Variants in NANOS3 observed in about 807,000 individuals in gnomAD.
NANOS3 encodes the protein nanos C2HC-type zinc finger 3, also known as nanos homolog 3.
NANOS3 carries 11 observed loss-of-function variants against 13.8 expected under a neutral mutation model. The observed-to-expected ratio is 0.80, with a 90% CI of 0.50 to 1.32. The LOEUF is 1.32. Ranked by LOEUF, NANOS3 falls within the 40% of genes most tolerant of loss-of-function variation. The pLI is 0.00. For missense variants in NANOS3, 221 were observed against 263.8 expected, an observed-to-expected ratio of 0.84 and a Z score of 1.12; for synonymous variants, 119 against 115.4, an observed-to-expected ratio of 1.03 and a Z score of -0.20.
upstream of NANOS3, chr19:13,862,195 G>C (rs1044353253): frequency 2.0e-5 from 3 of 152,408 alleles, no homozygotes; most frequent in African/African-American, 7.2e-5. Context: ...GAAACACCGA[G>C]TGAGTTGGAC....
chr19:13,879,033 G>A (rs989723954), intron 1 of NANOS3, among the ~76,000 whole-genome samples: 4 of 151,674 alleles, frequency 2.6e-5, no homozygotes, highest in Non-Finnish European at 4.4e-5. Context: ...CCTGTCTCCC[G>A]GGTTCAAGCG....
Position 13,879,199 on chromosome 19 carries a change from G to A in NANOS3, c.518-1243G>A, listed in dbSNP as rs756964015. Among the ~76,000 whole-genome samples, 13 of 149,550 alleles carry A rather than the reference G, an allele frequency of 8.7e-5. 1 individual carries two copies. Among genetic ancestry groups the A allele is most frequent in the Middle Eastern group, 7.7e-3 (2 of 260 alleles). The stretch of plus-strand genomic sequence containing the variant: ...CGAGATCCACCCGCCTTAGCCTCCC[G>A]AAGTGCTGATATTACAGGCTTGAGC... On this transcript the variant is annotated intron_variant, in intron 1 of 1. Coordinates refer to ENST00000339133, the MANE Select transcript of NANOS3 (RefSeq NM_001098622.3).
upstream of NANOS3, among the ~76,000 whole-genome samples, chr19:13,875,797 C>T (rs145518582): frequency 1.3e-5 from 2 of 152,264 alleles, no homozygotes; most frequent in Non-Finnish European, 2.9e-5. Context: ...CAATCCTCCT[C>T]GGCCTCTCAA....
intron 1 of NANOS3, among the ~76,000 whole-genome samples, chr19:13,878,358 C>T (rs914258759): frequency 2.6e-5 from 4 of 151,320 alleles, no homozygotes; most frequent in Admixed American, 6.6e-5. Context: ...TCTGCCTCAG[C>T]CTCCTGAGAA....
intron 1 of NANOS3, among the ~76,000 whole-genome samples, chr19:13,870,799 C>G (rs1207405871): frequency 6.6e-6 from 1 of 151,304 alleles, no homozygotes; most frequent in African/African-American, 2.4e-5. Flanking sequence ...AGGCTGGTCT[C>G]GAACTCCTGA....
upstream of NANOS3, among the ~76,000 whole-genome samples, chr19:13,872,360 A>AAG (rs1294694168): frequency 7.4e-4 from 104 of 141,134 alleles, 1 homozygote; most frequent in Non-Finnish European, 1.0e-3. Context: ...AAAAAAAAAA[A>AAG]AGAGAGAGAG....
chr19:13,876,493 A>C (rs1410791219), upstream of NANOS3, among the ~76,000 whole-genome samples: 1 of 152,228 alleles, frequency 6.6e-6, no homozygotes, highest in Non-Finnish European at 1.5e-5. Context: ...CTGGATGGGC[A>C]GGTGGCTTCA....
upstream of NANOS3, among the ~76,000 whole-genome samples, chr19:13,875,188 CTTTTT>C (rs376046818): frequency 2.1e-5 from 3 of 141,868 alleles, no homozygotes; most frequent in Non-Finnish European, 4.7e-5. Flanking sequence ...CTAAAATCCC[CTTTTT>C]TTTTTTTTTT....
chr19:13,869,792 GCA>G (rs1239632922), intron 1 of NANOS3, among the ~76,000 whole-genome samples: 2 of 147,558 alleles, frequency 1.4e-5, no homozygotes, highest in Non-Finnish European at 3.0e-5. Flanking sequence ...ACACACACAC[GCA>G]CACACATACA....
upstream of NANOS3, chr19:13,875,046 G>T (rs974071047): frequency 2.3e-6 from 1 of 434,582 alleles, no homozygotes. Context: ...CAGTCACTCA[G>T]CCTGTTTTTT....
intron 1 of NANOS3, among the ~76,000 whole-genome samples, chr19:13,868,553 C>T (rs1046452399): frequency 4.6e-5 from 7 of 151,548 alleles, no homozygotes; most frequent in African/African-American, 1.5e-4. Flanking sequence ...TGGTGGTGTG[C>T]GCCTATAGTC....
At chr19:13,863,781 T>A (rs1175651053), upstream of NANOS3, among the ~76,000 whole-genome samples, 1 of 151,930 alleles carries the variant, frequency 6.6e-6, no homozygotes, top group African/African-American at 2.4e-5. Flanking sequence ...CCTGGAGACA[T>A]CCACTCTCCT....
At chr19:13,874,626 C>G, upstream of NANOS3, 1 of 487,244 alleles carries the variant, frequency 2.1e-6, no homozygotes, top group Admixed American at 2.1e-5. Context: ...AAAGGGGTTC[C>G]TTACTCTCTC....
At chr19:13,879,128 C>T (rs1328991045) in intron 1 of NANOS3, among the ~76,000 whole-genome samples, 1 of 151,792 alleles carries the variant, frequency 6.6e-6, no homozygotes, top group African/African-American at 2.4e-5. Flanking sequence ...TTAGTACAGA[C>T]GGGATTTCAC....
intron 1 of NANOS3, 105 bp downstream of exon 1, chr19:13,877,870 C>G: frequency 6.9e-7 from 1 of 1,440,650 alleles, no homozygotes. Flanking sequence ...TAGGGGAAGA[C>G]CTTAGAGAGA....
chr19:13,876,631 T>C (rs1330465491), upstream of NANOS3, among the ~76,000 whole-genome samples: 1 of 152,068 alleles, frequency 6.6e-6, no homozygotes, highest in African/African-American at 2.4e-5. Flanking sequence ...AACCAGCCCA[T>C]GAGCCTGGGA....
chr19:13,875,042 C>G (rs538501794), upstream of NANOS3: 2 of 437,106 alleles, frequency 4.6e-6, no homozygotes, highest in Non-Finnish European at 9.5e-6. Flanking sequence ...GCCACAGTCA[C>G]TCAGCCTGTT....
chr19:13,865,140 G>A (rs1472139773), upstream of NANOS3, among the ~76,000 whole-genome samples: 3 of 151,514 alleles, frequency 2.0e-5, no homozygotes, highest in Admixed American at 2.0e-4. Context: ...GGACGCGCAC[G>A]GCCGCGGCTG....
At chr19:13,870,616 G>A (rs1416436765) in intron 1 of NANOS3, among the ~76,000 whole-genome samples, 1 of 139,928 alleles carries the variant, frequency 7.1e-6, no homozygotes, top group Non-Finnish European at 1.5e-5. Flanking sequence ...CACTCAGGCT[G>A]GAGTGCAGTG....
Sources: allele counts gnomAD v4.1 joint callset (sites outside exome capture counted in the v4.1 genomes callset), GRCh38; gene constraint gnomAD v4.1.1; transcripts MANE v1.5; gene names NCBI Gene and HGNC (gene_info 2026-07-23, HGNC 2026-07-21).